The following P2RX7 variants were observed in gnomAD, a reference collection of about 807,000 sequenced individuals.
P2RX7 encodes purinergic receptor P2X 7.
Under a neutral mutation model 71.6 loss-of-function variants are expected in P2RX7, and 62 were observed. The observed-to-expected ratio is 0.87, with a 90% CI of 0.71 to 1.07. P2RX7 has a LOEUF of 1.07. Ranked by LOEUF, P2RX7 falls within the 50% of genes least tolerant of loss-of-function variation. The pLI is 0.00. For synonymous variants in P2RX7, 299 were observed against 283.3 expected (o/e 1.06, Z -0.56); for missense variants, 686 against 748.5 (o/e 0.92, Z 0.97).
chr12:121,148,559 CCT>C (rs1210319469), intron 1 of P2RX7, among the ~76,000 whole-genome samples: 3 of 151,886 alleles, frequency 2.0e-5, no homozygotes, highest in Non-Finnish European at 2.9e-5. Flanking sequence ...TGATTTTTAC[CCT>C]GTTTGACTGA....
In P2RX7 at chr12:121,167,899, G is replaced by A. The variant is rs541332496; in HGVS notation, c.881+275G>A. ...GCCATCTCAGTCACTGCAAACTTCC[G>A]CCTCCCAGGTTCAAGCGACTCTCCT... On this transcript the variant is annotated intron_variant, in intron 8 of 12. Coordinates refer to ENST00000328963, the MANE Select transcript of P2RX7 (RefSeq NM_002562.6). Among the ~76,000 whole-genome samples the A allele has an allele frequency of 3.5e-3, 522 of 150,822 alleles. 4 individuals are homozygous for A. Among genetic ancestry groups the A allele is most frequent in the African/African-American group, 0.012 (480 of 40,982 alleles).
intron 1 of P2RX7, among the ~76,000 whole-genome samples, chr12:121,152,682 G>A (rs1036733802): frequency 6.6e-6 from 1 of 152,194 alleles, no homozygotes; most frequent in Non-Finnish European, 1.5e-5. Flanking sequence ...ACCGTACCCA[G>A]TTAATTTTTA....
intron 1 of P2RX7, among the ~76,000 whole-genome samples, chr12:121,147,667 A>G (rs997868136): frequency 6.6e-6 from 1 of 152,140 alleles, no homozygotes; most frequent in Admixed American, 6.5e-5. Flanking sequence ...GCTGAAGTGC[A>G]GTGGCACGAT....
At chr12:121,155,022 C>G in intron 2 of P2RX7, 69 bp downstream of exon 2, 1 of 1,591,572 alleles carries the variant, frequency 6.3e-7, no homozygotes, top group East Asian at 2.2e-5. Context: ...CTCCCTTCCC[C>G]TAGGATCTAC....
chr12:121,184,285 T>C lies in P2RX7; in HGVS notation c.1291-20T>C. The C allele has an allele frequency of 1.9e-6, 3 of 1,571,818 alleles. No homozygotes were observed. The highest frequency in any genetic ancestry group is 1.9e-5 in the Admixed American group (1 of 52,628). On this transcript the variant is annotated intron_variant, in intron 12 of 12. Transcript: ENST00000328963. ...TGAGGGCTTGTCATGGCTAATAGGT[T>C]TGGAAACTTGCTTTTTCAGAGACCT...
intron 5 of P2RX7, among the ~76,000 whole-genome samples, chr12:121,162,963 G>A (rs888167661): frequency 2.0e-5 from 3 of 150,778 alleles, no homozygotes; most frequent in African/African-American, 7.4e-5. Flanking sequence ...AGCAAAAGGG[G>A]TGAGGGTAAA....
Position 121,187,980 on chromosome 12 carries a change from G to A in P2RX7, c.*3178G>A, listed in dbSNP as rs1038378399. 1 of 152,238 alleles carries A rather than the reference G, an allele frequency of 6.6e-6. No homozygotes were observed. Among genetic ancestry groups the A allele is most frequent in the South Asian group, 2.1e-4 (1 of 4,832 alleles). 9.4% of individuals were successfully genotyped at this position (152,238 alleles called of 1,614,324 possible). A position where few individuals can be genotyped will look rare whatever the true frequency, so the allele number is the denominator to read the frequency against. Reference sequence around the variant, plus strand: ...CCCTTCCTGATTTTAGCCTGGCAATGTAAGTGTCCTTAATGTGACTGTTTT... The same window carrying A: ...CCCTTCCTGATTTTAGCCTGGCAATATAAGTGTCCTTAATGTGACTGTTTT... On this transcript the variant is annotated 3_prime_UTR_variant, in exon 13 of 13. Coordinates refer to ENST00000328963, the MANE Select transcript of P2RX7 (RefSeq NM_002562.6).
intron 3 of P2RX7, among the ~76,000 whole-genome samples, chr12:121,158,932 A>G (rs1470202969): frequency 6.6e-6 from 1 of 152,168 alleles, no homozygotes; most frequent in African/African-American, 2.4e-5. Context: ...TTGGCTCTGT[A>G]TTCAAAGGGT....
chr12:121,150,798 A>G (rs1877226753), intron 1 of P2RX7, among the ~76,000 whole-genome samples: 1 of 152,206 alleles, frequency 6.6e-6, no homozygotes, highest in Non-Finnish European at 1.5e-5. Context: ...AATCCCAGCT[A>G]CTTGGGAGGC....
At chr12:121,163,327 T>TACAC (rs113687409) in intron 5 of P2RX7, among the ~76,000 whole-genome samples, 17,306 of 145,166 alleles carry the variant, frequency 0.12, 1,310 homozygotes, top group African/African-American at 0.21. Flanking sequence ...ATGCCTGGCT[T>TACAC]ACACACACAC....
rs200343983 is a variant in P2RX7 at position 121,184,563 on chromosome 12, G to T, written c.1549G>T (p.Val517Phe). ...ITTSELFRKL[V>F]LSRHVLQFLL... ...CACCTCAGAGCTGTTCAGGAAGCTG[G>T]TCCTGTCCAGACACGTCCTGCAGTT... The change falls in exon 13 of 13, where the codon GTC (valine) becomes TTC (phenylalanine). Residue 517 changes from valine (V) to phenylalanine (F), a missense_variant. Val to Phe is a conservative substitution (Grantham distance 50). Transcript: ENST00000328963. The T allele has an allele frequency of 4.3e-6, 7 of 1,614,086 alleles. No homozygotes were observed. The highest frequency in any genetic ancestry group is 5.9e-6 in the Non-Finnish European group (7 of 1,180,052).
At chr12:121,152,130 C>T (rs1416506075) in intron 1 of P2RX7, among the ~76,000 whole-genome samples, 1 of 152,034 alleles carries the variant, frequency 6.6e-6, no homozygotes, top group Non-Finnish European at 1.5e-5. Context: ...CAGGCGCACA[C>T]CACCACACCC....
At position 121,167,537 on chromosome 12, in the gene P2RX7, G is replaced by A; in HGVS notation, c.794G>A (p.Trp265Ter). 6.2e-7 allele frequency: 1 copy of A among 1,613,730 alleles called. No individual in the cohort carries two copies. Reference protein sequence around the residue: ...EIYWDCNLDRWFHHCRPKYSF... With the variant: ...EIYWDCNLDR ...TACTGGGACTGCAACCTAGACCGTT[G>A]GTTCCATCACTGCCGTCCCAAATAC... The change falls in exon 8 of 13, where the codon TGG (tryptophan) becomes TAG (stop). Residue 265 changes from tryptophan to a stop codon, truncating the protein, a stop_gained. Coordinates refer to ENST00000328963, the MANE Select transcript of P2RX7 (RefSeq NM_002562.6). LOFTEE classifies it high-confidence loss of function.
chr12:121,165,846 G>T (rs142533693), intron 6 of P2RX7, among the ~76,000 whole-genome samples: 2 of 152,290 alleles, frequency 1.3e-5, no homozygotes, highest in Admixed American at 6.5e-5. Flanking sequence ...ACAGTCTTTG[G>T]GGGGAGACCC....
At chr12:121,136,023 A>AAAAAAATATATATATAT in intron 1 of P2RX7, among the ~76,000 whole-genome samples, 2 of 15,254 alleles carry the variant, frequency 1.3e-4, no homozygotes, top group African/African-American at 2.5e-4. Context: ...AAAAAAAAAA[A>AAAAAAATATATATATAT]ATATATATAT....
At chr12:121,151,990 AT>A (rs1279862965) in intron 1 of P2RX7, among the ~76,000 whole-genome samples, 1 of 151,790 alleles carries the variant, frequency 6.6e-6, no homozygotes, top group Non-Finnish European at 1.5e-5. Context: ...CATAAATTAT[AT>A]TGTTTTCAAG....
chr12:121,184,853 G>A lies in P2RX7; in HGVS notation c.*51G>A, dbSNP rs1056996412. ...TAATCCCAGCGCTTTGGGAGGCCGA[G>A]GCAGGCAGATCACCTGAGGTCGGGA... On this transcript the variant is annotated 3_prime_UTR_variant, in exon 13 of 13. Coordinates refer to ENST00000328963, the MANE Select transcript of P2RX7 (RefSeq NM_002562.6). 2.1e-6 allele frequency: 3 copies of A among 1,411,566 alleles called. No individual in the cohort carries two copies. The South Asian group carries it at 4.2e-5, about 20-fold the overall frequency. The allele number at this position is 1,411,566 out of a possible 1,614,324, so 87.4% of individuals were successfully genotyped here.
intron 5 of P2RX7, among the ~76,000 whole-genome samples, chr12:121,164,262 G>T (rs561138882): frequency 1.3e-5 from 2 of 152,294 alleles, no homozygotes; most frequent in South Asian, 4.1e-4. Context: ...AGCTAAGATG[G>T]TTCGTTTAAT....
intron 1 of P2RX7, among the ~76,000 whole-genome samples, chr12:121,139,900 G>T (rs11065449): frequency 0.01 from 1,582 of 152,082 alleles, 27 homozygotes; most frequent in African/African-American, 0.035. Context: ...CCCAGATAAT[G>T]TCTGTATTTT....
Sources: allele counts gnomAD v4.1 joint callset (sites outside exome capture counted in the v4.1 genomes callset), GRCh38; gene constraint gnomAD v4.1.1; transcripts MANE v1.5; gene names NCBI Gene and HGNC (gene_info 2026-07-23, HGNC 2026-07-21).